The following DPP6 variants were observed in gnomAD, a reference collection of about 807,000 sequenced individuals.
DPP6 encodes dipeptidyl peptidase like 6.
DPP6 carries 69 observed loss-of-function variants against 122.6 expected under a neutral mutation model. The observed-to-expected ratio is 0.56, with a 90% confidence interval of 0.46 to 0.69. The LOEUF (loss-of-function observed/expected upper bound fraction) is 0.69, where lower values mean the gene tolerates loss of function less well. Ranked by LOEUF, DPP6 falls within the 30% of genes least tolerant of loss-of-function variation. The pLI, the probability that DPP6 is intolerant of heterozygous loss-of-function variation, is 0.00. For synonymous variants in DPP6, 418 were observed against 433.1 expected, an observed-to-expected ratio of 0.97 and a Z score of 0.43; for missense variants, 928 against 1,116.9, an observed-to-expected ratio of 0.83 and a Z score of 2.41.
chr7:154,885,573 C>A, intron 21 of DPP6, 60 bp from the exon 22 acceptor site: 1 of 1,538,410 alleles, frequency 6.5e-7, no homozygotes, highest in Non-Finnish European at 8.8e-7. Context: ...CTGCCCGAGG[C>A]TGCTTCATGC....
chr7:154,118,629 C>T (rs1807176252), intron 1 of DPP6, among the ~76,000 whole-genome samples: 1 of 148,778 alleles, frequency 6.7e-6, no homozygotes, highest in Admixed American at 6.7e-5. Flanking sequence ...CAGTGGCAGC[C>T]AGGAAGCCAA....
chr7:154,748,925 CG>C (rs1440116686), intron 8 of DPP6, among the ~76,000 whole-genome samples: 1 of 152,256 alleles, frequency 6.6e-6, no homozygotes, highest in East Asian at 1.9e-4. Context: ...CTTAAGAGCG[CG>C]ACCCATTCGG....
chr7:154,157,658 G>A (rs1291223441), intron 1 of DPP6, among the ~76,000 whole-genome samples: 1 of 152,150 alleles, frequency 6.6e-6, no homozygotes, highest in Non-Finnish European at 1.5e-5. Context: ...TTTGGGCTGG[G>A]TACGGTGGCT....
intron 6 of DPP6, among the ~76,000 whole-genome samples, chr7:154,656,278 CG>C: frequency 3.7e-4 from 2 of 5,434 alleles, no homozygotes; most frequent in Non-Finnish European, 4.3e-4. Context: ...AAGGGGCAGT[CG>C]AGAGGGAGGT....
chr7:154,553,795 T>C (rs1418627895), intron 4 of DPP6, among the ~76,000 whole-genome samples: 1 of 151,728 alleles, frequency 6.6e-6, no homozygotes, highest in Non-Finnish European at 1.5e-5. Flanking sequence ...TGTGTTCATA[T>C]CTGTGAGTCC....
intron 1 of DPP6, among the ~76,000 whole-genome samples, chr7:153,913,944 C>T (rs1231670965): frequency 2.0e-5 from 3 of 152,188 alleles, no homozygotes; most frequent in Non-Finnish European, 2.9e-5. Flanking sequence ...CTGCTTGCTT[C>T]TCCTATTGTC....
chr7:154,826,510 T>G (rs1355524966), intron 16 of DPP6, among the ~76,000 whole-genome samples: 2 of 152,208 alleles, frequency 1.3e-5, no homozygotes, highest in Non-Finnish European at 2.9e-5. Flanking sequence ...AGATGTCCAT[T>G]TCTCCACCAA....
intron 1 of DPP6, among the ~76,000 whole-genome samples, chr7:153,913,501 G>T (rs1218514549): frequency 6.6e-6 from 1 of 152,154 alleles, no homozygotes; most frequent in Non-Finnish European, 1.5e-5. Flanking sequence ...ATAAAAATAT[G>T]ATGACTGACC....
At chr7:154,662,704 G>C (rs1239115292) in intron 6 of DPP6, among the ~76,000 whole-genome samples, 1 of 98,446 alleles carries the variant, frequency 1.0e-5, no homozygotes, top group African/African-American at 3.7e-5. Flanking sequence ...TGTTCATATA[G>C]TCATGGTGAA....
the DPP6 span, among the ~76,000 whole-genome samples, chr7:153,785,453 C>T: frequency 1.3e-5 from 2 of 152,124 alleles, no homozygotes. Context: ...GGGGTAATCT[C>T]ATCCCCTAGC....
chr7:154,143,760 T>A (rs1486387677), intron 1 of DPP6, among the ~76,000 whole-genome samples: 5,305 of 142,408 alleles, frequency 0.037, no homozygotes, highest in African/African-American at 0.14. Flanking sequence ...CACATTTATC[T>A]TGTCTTAATG....
chr7:154,461,196 C>T (rs991072952), intron 2 of DPP6, among the ~76,000 whole-genome samples: 3 of 152,152 alleles, frequency 2.0e-5, no homozygotes, highest in Non-Finnish European at 4.4e-5. Flanking sequence ...TGACAAATCT[C>T]ATTCATTTTT....
At chr7:154,614,319 T>C (rs1339587627) in intron 5 of DPP6, among the ~76,000 whole-genome samples, 1 of 152,236 alleles carries the variant, frequency 6.6e-6, no homozygotes, top group Non-Finnish European at 1.5e-5. Context: ...GAGGCTATTT[T>C]AATGAAATAA....
At chr7:154,023,358 A>ACACACACACACACT (rs1798808932) in intron 1 of DPP6, among the ~76,000 whole-genome samples, 1 of 150,922 alleles carries the variant, frequency 6.6e-6, no homozygotes, top group African/African-American at 2.4e-5. Flanking sequence ...ACACACACAC[A>ACACACACACACACT]CACTTCTTAA....
Position 154,892,512 on chromosome 7 carries a change from T to C in DPP6, c.*32T>C. On this transcript the variant is annotated 3_prime_UTR_variant, in exon 26 of 26. Coordinates refer to ENST00000377770, the MANE Select transcript of DPP6 (RefSeq NM_130797.4). ...GTCGCTCTAAGCACAAACGTGGCTC[T>C]TTCTACAACCAGATGCAACCGAGGG... 1.2e-6 allele frequency: 2 copies of C among 1,611,988 alleles called. No homozygotes were observed. Among genetic ancestry groups the C allele is most frequent in the Non-Finnish European group, 1.7e-6 (2 of 1,178,580 alleles).
At chr7:154,102,255 T>C (rs1330144972) in intron 1 of DPP6, among the ~76,000 whole-genome samples, 1 of 152,146 alleles carries the variant, frequency 6.6e-6, no homozygotes, top group Non-Finnish European at 1.5e-5. Flanking sequence ...AATGGCACAG[T>C]CTCGGCTCAC....
At chr7:154,394,132 T>C (rs948013955) in intron 1 of DPP6, among the ~76,000 whole-genome samples, 7 of 152,212 alleles carry the variant, frequency 4.6e-5, no homozygotes, top group African/African-American at 1.7e-4. Flanking sequence ...ATCATATGGT[T>C]ATTTCATTTT....
In DPP6 at chr7:154,232,927, A is replaced by G. The variant is rs959259756; in HGVS notation, c.243+179864A>G. ...AAGAAGCAAGGAGCCACGAAGTGCT[A>G]AAGTCTGCAAGGAGGTTCTCAAGCT... On this transcript the variant is annotated intron_variant, in intron 1 of 25. Transcript: ENST00000377770. 2.1e-4 allele frequency among the ~76,000 whole-genome samples: 32 copies of G among 152,228 alleles called. 1 individual carries two copies. Among genetic ancestry groups the G allele is most frequent in the African/African-American group, 6.0e-4 (25 of 41,474 alleles).
chr7:154,717,096 G>A (rs981894400), intron 7 of DPP6, among the ~76,000 whole-genome samples: 2 of 152,136 alleles, frequency 1.3e-5, no homozygotes, highest in African/African-American at 4.8e-5. Context: ...CTCCCAAAGT[G>A]CTGGGATTAC....
Sources: allele counts gnomAD v4.1 joint callset (sites outside exome capture counted in the v4.1 genomes callset), GRCh38; gene constraint gnomAD v4.1.1; transcripts MANE v1.5; gene names NCBI Gene and HGNC (gene_info 2026-07-23, HGNC 2026-07-21).